The following MAP2K4 variants were observed in gnomAD, a reference collection of about 807,000 sequenced individuals.
The protein encoded by MAP2K4 is dual specificity mitogen-activated protein kinase kinase 4.
MAP2K4 carries 4 observed loss-of-function variants against 48.5 expected under a neutral mutation model. The observed-to-expected ratio is 0.08, with a 90% CI of 0.04 to 0.19. MAP2K4 has a LOEUF of 0.19. Ranked by LOEUF, MAP2K4 falls within the 10% of genes least tolerant of loss-of-function variation. The pLI is 1.00. For synonymous variants in MAP2K4, 166 were observed against 173.1 expected, an observed-to-expected ratio of 0.96 and a Z score of 0.32; for missense variants, 258 against 493.3, an observed-to-expected ratio of 0.52 and a Z score of 4.52.
chr17:12,114,671 C>T (rs528205037), intron 7 of MAP2K4, among the ~76,000 whole-genome samples: 6 of 152,032 alleles, frequency 3.9e-5, no homozygotes, highest in South Asian at 2.1e-4. Flanking sequence ...GGGCTTGTCT[C>T]GATACTAACA....
chr17:12,048,739 C>G (rs572735725), intron 1 of MAP2K4, among the ~76,000 whole-genome samples: 2 of 152,222 alleles, frequency 1.3e-5, no homozygotes, highest in African/African-American at 4.8e-5. Context: ...TCACTGAAAC[C>G]TATACCTCCT....
chr17:12,117,409 T>TAAA (rs561108727), intron 7 of MAP2K4, among the ~76,000 whole-genome samples: 4 of 144,042 alleles, frequency 2.8e-5, no homozygotes, highest in Admixed American at 1.4e-4. Flanking sequence ...GTTCCCAAGG[T>TAAA]AAAAAAAAAA....
chr17:12,032,869 C>T (rs1567624737), intron 1 of MAP2K4, among the ~76,000 whole-genome samples: 1 of 151,912 alleles, frequency 6.6e-6, no homozygotes, highest in Non-Finnish European at 1.5e-5. Flanking sequence ...AGACAGGGTC[C>T]CACTCTGTTG....
At chr17:12,043,665 C>T (rs1567630074) in intron 1 of MAP2K4, among the ~76,000 whole-genome samples, 1 of 152,092 alleles carries the variant, frequency 6.6e-6, no homozygotes, top group African/African-American at 2.4e-5. Flanking sequence ...GGTTACAGCT[C>T]ATGAACAGCC....
At chr17:12,086,014 G>T (rs1054253292) in intron 3 of MAP2K4, among the ~76,000 whole-genome samples, 1 of 152,142 alleles carries the variant, frequency 6.6e-6, no homozygotes, top group Non-Finnish European at 1.5e-5. Context: ...TTAAACATTG[G>T]TCTTGCATGT....
chr17:12,081,744 T>C lies in MAP2K4; in HGVS notation c.393+214T>C, dbSNP rs906330853. 1.3e-5 allele frequency among the ~76,000 whole-genome samples: 2 copies of C among 152,226 alleles called. No homozygotes were observed. Among genetic ancestry groups the C allele is most frequent in the Non-Finnish European group, 2.9e-5 (2 of 68,030 alleles). The stretch of plus-strand genomic sequence containing the variant: ...GAAACATGAGTGTATGAAGTGTGCA[T>C]GTTGATTGCATTTTTGGCATGATGC... On this transcript the variant is annotated intron_variant, in intron 3 of 10. Transcript: ENST00000353533. This position sits in a 1 kb window ranked among gnomAD's most constrained non-coding sequence, Gnocchi z 4.2.
intron 7 of MAP2K4, among the ~76,000 whole-genome samples, chr17:12,119,826 G>C (rs1179836586): frequency 6.6e-6 from 1 of 152,204 alleles, no homozygotes; most frequent in Non-Finnish European, 1.5e-5. Context: ...AAAAGAATGA[G>C]AGCATGTCCT....
intron 1 of MAP2K4, chr17:12,032,315 A>G (rs1969465367): frequency 4.5e-6 from 6 of 1,321,202 alleles, no homozygotes; most frequent in Non-Finnish European, 6.0e-6. Context: ...TACAAATTTT[A>G]TGATATTATG....
chr17:12,134,735 A>G (rs8064513), intron 9 of MAP2K4, among the ~76,000 whole-genome samples: 94,033 of 152,056 alleles, frequency 0.62, 30,094 homozygotes, highest in East Asian at 0.77. Flanking sequence ...CAAGTTTTCA[A>G]TTAAAACACA....
At chr17:12,058,814 C>G (rs1360124550) in intron 2 of MAP2K4, among the ~76,000 whole-genome samples, 1 of 152,140 alleles carries the variant, frequency 6.6e-6, no homozygotes, top group African/African-American at 2.4e-5. Flanking sequence ...TTAATATCAT[C>G]AAATAAGCAG....
chr17:12,129,421 T>C lies in MAP2K4; in HGVS notation c.1040+134T>C, dbSNP rs1972958783. 7 of 980,504 alleles carry C rather than the reference T, an allele frequency of 7.1e-6. No homozygotes were observed. In the Admixed American group the frequency reaches 1.4e-4, roughly 20 times the overall value. 60.7% of individuals were successfully genotyped at this position (980,504 alleles called of 1,614,324 possible). On this transcript the variant is annotated intron_variant, in intron 9 of 10. Transcript: ENST00000353533. ...ATCACCCTACTTTTCAAGCTGGGAC[T>C]CTGGATCACTGTGGCTGTATGGAAG...
Position 12,141,923 on chromosome 17 carries a change from C to A in MAP2K4, c.*663C>A, listed in dbSNP as rs541405516. ...ACCATGTTGCGTTCAAAGAGGTGAA[C>A]ATTAAAATATAGAGACAGGACAGAA... On this transcript the variant is annotated 3_prime_UTR_variant, in exon 11 of 11. Transcript: ENST00000353533. 1 of 233,298 alleles carries A rather than the reference C, an allele frequency of 4.3e-6. No individual in the cohort carries two copies. The highest frequency in any genetic ancestry group is 8.5e-6 in the Non-Finnish European group (1 of 117,926). The allele number at this position is 233,298 out of a possible 1,614,324, so 14.5% of individuals were successfully genotyped here.
chr17:12,118,177 G>A (rs978252185), intron 7 of MAP2K4, among the ~76,000 whole-genome samples: 1 of 152,222 alleles, frequency 6.6e-6, no homozygotes, highest in South Asian at 2.1e-4. Flanking sequence ...AATTCGCCAG[G>A]GTTATTGATG....
At chr17:12,023,405 AG>A (rs1467966485) in intron 1 of MAP2K4, among the ~76,000 whole-genome samples, 1 of 152,174 alleles carries the variant, frequency 6.6e-6, no homozygotes, top group Non-Finnish European at 1.5e-5. Context: ...TCATCTGCCA[AG>A]GGTCTTCTTT....
intron 1 of MAP2K4, among the ~76,000 whole-genome samples, chr17:12,029,975 TATATC>T (rs1220866996): frequency 6.6e-6 from 1 of 152,000 alleles, no homozygotes; most frequent in Non-Finnish European, 1.5e-5. Flanking sequence ...TAGTGAATAT[TATATC>T]ATAACTAAGA....
At position 12,100,033 on chromosome 17, in the gene MAP2K4, C is replaced by T. The variant is rs143657974; in HGVS notation, c.513+4339C>T. ...CCACCCCTCTTCTCCTTTCCCTCTT[C>T]TTTCTCCTTGCAAGTTTTAAATGCA... is the stretch of plus-strand genomic sequence containing the variant. On this transcript the variant is annotated intron_variant, in intron 4 of 10. Coordinates refer to ENST00000353533, the MANE Select transcript of MAP2K4 (RefSeq NM_003010.4). Among the ~76,000 whole-genome samples the T allele has an allele frequency of 7.5e-3, 1,146 of 152,244 alleles. 8 individuals carry two copies. The highest frequency in any genetic ancestry group is 0.01 in the Non-Finnish European group (689 of 68,002).
intron 1 of MAP2K4, among the ~76,000 whole-genome samples, chr17:12,047,373 C>G (rs1224229655): frequency 6.6e-6 from 1 of 152,162 alleles, no homozygotes; most frequent in African/African-American, 2.4e-5. Flanking sequence ...AATGCCTTTA[C>G]TCCTCACAGT....
intron 9 of MAP2K4, among the ~76,000 whole-genome samples, chr17:12,137,642 T>C (rs1973247327): frequency 6.6e-6 from 1 of 152,054 alleles, no homozygotes. Flanking sequence ...CTAAGATGCA[T>C]GTAATGGAAA....
chr17:12,028,373 C>G (rs1969326074), intron 1 of MAP2K4, among the ~76,000 whole-genome samples: 2 of 152,076 alleles, frequency 1.3e-5, no homozygotes, highest in Non-Finnish European at 2.9e-5. Flanking sequence ...AGGGTGGCTC[C>G]CTTTTGATAG....
Sources: allele counts gnomAD v4.1 joint callset (sites outside exome capture counted in the v4.1 genomes callset), GRCh38; gene constraint gnomAD v4.1.1; non-coding constraint Gnocchi (gnomAD v3.1); transcripts MANE v1.5; gene names NCBI Gene and HGNC (gene_info 2026-07-23, HGNC 2026-07-21).